Variants in GHRHR observed in about 807,000 individuals in gnomAD.
GHRHR encodes growth hormone releasing hormone receptor, also known as growth hormone-releasing hormone receptor.
GHRHR carries 40 observed loss-of-function variants against 58.3 expected under a neutral mutation model. The observed-to-expected ratio is 0.69, with a 90% CI of 0.53 to 0.89. GHRHR has a LOEUF of 0.89. GHRHR is among the 40% of genes least tolerant of loss of function. The probability of loss-of-function intolerance (pLI) is 0.00; values close to 1 mark genes in which losing one functional copy is unlikely to be tolerated. For synonymous variants in GHRHR, 249 were observed against 216.6 expected (o/e 1.15, Z -1.31); for missense variants, 551 against 541.3 (o/e 1.02, Z -0.18).
chr7:30,977,389 C>G (rs750858647), intron 12 of GHRHR, 67 bp downstream of exon 12: 76 of 1,360,764 alleles, frequency 5.6e-5, no homozygotes, highest in Non-Finnish European at 7.9e-5. Flanking sequence ...CCCTCCTCCT[C>G]TCTCCCACTC....
At chr7:30,972,223 C>A in intron 6 of GHRHR, 128 bp downstream of exon 6, 1 of 940,768 alleles carries the variant, frequency 1.1e-6, no homozygotes, top group Non-Finnish European at 1.6e-6. Context: ...TGGCCAATTA[C>A]AGAACAGGAA....
chr7:30,974,372 G>C, intron 7 of GHRHR, 57 bp from the exon 8 acceptor site: 1 of 1,318,864 alleles, frequency 7.6e-7, no homozygotes. Context: ...GGTGGCGCCA[G>C]ATCTCAGAGT....
Position 30,964,087 on chromosome 7 carries a change from G to C in GHRHR, c.19G>C (p.Gly7Arg). Residue 7 changes from glycine to arginine, a missense_variant, in exon 1 of 13, where the codon GGG becomes CGG. Gly to Arg is a moderately radical substitution (Grantham distance 125). Coordinates refer to ENST00000326139, the MANE Select transcript of GHRHR (RefSeq NM_000823.4). ...GCTCACCATGGACCGCCGGATGTGG[G>C]GGGCCCACGTCTTCTGCGTGTTGAG... MDRRMWGAHVFCVLSPL... is the reference protein window; with the variant it reads MDRRMWRAHVFCVLSPL... The C allele has an allele frequency of 6.4e-7, 1 of 1,550,512 alleles. No homozygotes were observed. The highest frequency in any genetic ancestry group is 8.7e-7 in the Non-Finnish European group (1 of 1,146,984).
chr7:30,968,255 A>G (rs1763298214), intron 1 of GHRHR, among the ~76,000 whole-genome samples: 1 of 152,160 alleles, frequency 6.6e-6, no homozygotes, highest in Non-Finnish European at 1.5e-5. Context: ...TTTGGGGGCC[A>G]TTATTCTGTC....
intron 1 of GHRHR, among the ~76,000 whole-genome samples, chr7:30,968,129 A>G (rs1413501312): frequency 1.3e-5 from 2 of 152,142 alleles, no homozygotes; most frequent in African/African-American, 4.8e-5. Flanking sequence ...AGGCCTACTC[A>G]GATAATCAAG....
In GHRHR at chr7:30,979,506, G is replaced by A. The variant is rs2128599286; in HGVS notation, c.*262G>A. Reference sequence around the variant, plus strand: ...TGGGGCTCTAGCCCAAGGCTCAGAGGAGCCAATAAACCTGTAAATGAATAG... The same window carrying A: ...TGGGGCTCTAGCCCAAGGCTCAGAGAAGCCAATAAACCTGTAAATGAATAG... On this transcript the variant is annotated 3_prime_UTR_variant, in exon 13 of 13. Transcript: ENST00000326139. The A allele has an allele frequency of 4.4e-6, 2 of 455,702 alleles. No individual in the cohort carries two copies. Among genetic ancestry groups the A allele is most frequent in the Non-Finnish European group, 8.2e-6 (2 of 244,372 alleles). 28.2% of individuals were successfully genotyped at this position (455,702 alleles called of 1,614,324 possible). A position where few individuals can be genotyped will look rare whatever the true frequency, so the allele number is the denominator to read the frequency against.
intron 1 of GHRHR, among the ~76,000 whole-genome samples, chr7:30,966,374 T>C (rs1371333200): frequency 7.8e-6 from 1 of 127,898 alleles, no homozygotes; most frequent in East Asian, 2.2e-4. Context: ...TGGATCCTGC[T>C]AGACATTGAG....
chr7:30,970,753 G>T (rs1310587147), intron 4 of GHRHR, among the ~76,000 whole-genome samples: 1 of 152,216 alleles, frequency 6.6e-6, no homozygotes, highest in African/African-American at 2.4e-5. Context: ...TGGATACATT[G>T]TGTTCCCAAG....
Position 30,978,200 on chromosome 7 carries a change from C to G in GHRHR, c.1146+878C>G, listed in dbSNP as rs1347965495. ...GTCCCTTACTGCTCCTTCCACTCTC[C>G]CTCTCTTTATTCCTCACCTGACCTC... On this transcript the variant is annotated intron_variant, in intron 12 of 12. Transcript: ENST00000326139. Among the ~76,000 whole-genome samples the G allele has an allele frequency of 2.6e-5, 4 of 152,296 alleles. No individual in the cohort carries two copies. The East Asian group carries it at 7.7e-4, about 29-fold the overall frequency.
intron 8 of GHRHR, 69 bp downstream of exon 8, chr7:30,974,558 A>G: frequency 2.7e-6 from 3 of 1,092,940 alleles, no homozygotes; most frequent in Non-Finnish European, 4.3e-6. Flanking sequence ...CAGTCAGGCC[A>G]TGGGCTGTTC....
chr7:30,971,936 G>A, intron 5 of GHRHR, 27 bp from the exon 6 acceptor site: 1 of 1,612,664 alleles, frequency 6.2e-7, no homozygotes, highest in Non-Finnish European at 8.5e-7. Context: ...CTTGCTTCTT[G>A]TTCCTCATTT....
chr7:30,975,737 C>G, intron 9 of GHRHR, 40 bp from the exon 10 acceptor site: 1 of 1,230,798 alleles, frequency 8.1e-7, no homozygotes, highest in East Asian at 2.3e-5. Context: ...AGGCTACCCC[C>G]TGACCCTTGT....
At chr7:30,972,566 C>T (rs1187467498) in intron 6 of GHRHR, among the ~76,000 whole-genome samples, 1 of 152,008 alleles carries the variant, frequency 6.6e-6, no homozygotes, top group Non-Finnish European at 1.5e-5. Flanking sequence ...AGGAGAGGAC[C>T]CTGGAGCTGT....
intron 1 of GHRHR, among the ~76,000 whole-genome samples, chr7:30,964,982 T>G (rs1180982315): frequency 6.6e-6 from 1 of 152,180 alleles, no homozygotes; most frequent in Non-Finnish European, 1.5e-5. Flanking sequence ...TGCTCCTGAG[T>G]GCACAGGCTT....
intron 1 of GHRHR, among the ~76,000 whole-genome samples, chr7:30,966,410 G>C (rs1297370300): frequency 6.6e-6 from 1 of 151,868 alleles, no homozygotes; most frequent in East Asian, 1.9e-4. Context: ...GGTGGGGGTG[G>C]GGGCCATGGG....
At chr7:30,969,838 G>A in intron 3 of GHRHR, 29 bp from the exon 4 acceptor site, 1 of 1,612,298 alleles carries the variant, frequency 6.2e-7, no homozygotes. Context: ...GGAAGGAGTT[G>A]TGGCTAGAGA....
chr7:30,969,833 G>A, intron 3 of GHRHR, 34 bp from the exon 4 acceptor site: 1 of 1,611,062 alleles, frequency 6.2e-7, no homozygotes, highest in Non-Finnish European at 8.5e-7. Flanking sequence ...GAGAGGGAAG[G>A]AGTTGTGGCT....
chr7:30,969,159 G>C lies in GHRHR; in HGVS notation c.257G>C (p.Ser86Thr). ...LPCPDFFSHF[S>T]SESGAVKRDC... is the part of the protein sequence containing the mutation. Reference sequence around the variant, plus strand: ...TGCCCGGATTTCTTCTCTCACTTCAGCTCAGAGTCAGGTGAGGGGTGCTGG... The same window carrying C: ...TGCCCGGATTTCTTCTCTCACTTCACCTCAGAGTCAGGTGAGGGGTGCTGG... Residue 86 changes from serine (S) to threonine (T), a missense_variant, in exon 3 of 13, where the codon AGC (serine) becomes ACC (threonine). Coordinates refer to ENST00000326139, the MANE Select transcript of GHRHR (RefSeq NM_000823.4). 1 of 1,562,102 alleles carries C rather than the reference G, an allele frequency of 6.4e-7. No individual in the cohort carries two copies. Among genetic ancestry groups the C allele is most frequent in the South Asian group, 1.2e-5 (1 of 85,178 alleles).
At chr7:30,976,804 A>G (rs909361463) in intron 11 of GHRHR, among the ~76,000 whole-genome samples, 2 of 150,662 alleles carry the variant, frequency 1.3e-5, no homozygotes, top group African/African-American at 4.9e-5. Flanking sequence ...ATCCATCCAT[A>G]CATCCATCTA....
Sources: allele counts gnomAD v4.1 joint callset (sites outside exome capture counted in the v4.1 genomes callset), GRCh38; gene constraint gnomAD v4.1.1; transcripts MANE v1.5; gene names NCBI Gene and HGNC (gene_info 2026-07-23, HGNC 2026-07-21).